RAB23: variants seen among roughly 807,000 people sequenced by gnomAD.
The protein encoded by RAB23 is RAB23, member RAS oncogene family.
Under a neutral mutation model 30.0 loss-of-function variants are expected in RAB23, and 15 were observed. The ratio of observed to expected loss-of-function variants is 0.50; its 90% CI spans 0.33 to 0.77. The LOEUF is 0.77. Among genes scored for constraint, RAB23 ranks in the 30% least tolerant of loss-of-function variants. The pLI is 0.02. For missense variants in RAB23, 243 were observed against 275.4 expected (o/e 0.88, Z 0.83); for synonymous variants, 93 against 94.0 (o/e 0.99, Z 0.06).
At chr6:57,194,957 G>C in intron 4 of RAB23, 105 bp from the exon 5 acceptor site, 1 of 832,528 alleles carries the variant, frequency 1.2e-6, no homozygotes, top group Middle Eastern at 2.5e-4. Flanking sequence ...GGCAGGGAAG[G>C]GAGGGAAGGT....
chr6:57,219,774 C>A (rs532824836), intron 1 of RAB23, among the ~76,000 whole-genome samples: 1 of 152,234 alleles, frequency 6.6e-6, no homozygotes, highest in African/African-American at 2.4e-5. Flanking sequence ...AAAAAGTAAA[C>A]CTTCACACCT....
Position 57,193,838 on chromosome 6 carries a change from T to C in RAB23, c.574+4A>G. 1 of 1,612,652 alleles carries C rather than the reference T, an allele frequency of 6.2e-7. No individual in the cohort carries two copies. The highest frequency in any genetic ancestry group is 8.5e-7 in the Non-Finnish European group (1 of 1,179,154). ...ACATGGGCTAAAATTTCCTATGTAC[T>C]TACCAATCTTGTTACTACTTGAATG... On this transcript the variant is annotated splice_donor_region_variant and intron_variant, in intron 6 of 6. Transcript: ENST00000468148.
Position 57,190,614 on chromosome 6 carries a change from G to A in RAB23, c.575-14C>T. 1 of 1,613,756 alleles carries A rather than the reference G, an allele frequency of 6.2e-7. No individual in the cohort carries two copies. ...TATTAAAGACACCTGTATAAATTGAGGGAAAAGAGTGATTGCCACTGACAC... is the reference window on the plus strand; with the variant it reads ...TATTAAAGACACCTGTATAAATTGAAGGAAAAGAGTGATTGCCACTGACAC... On this transcript the variant is annotated splice_polypyrimidine_tract_variant and intron_variant, in intron 6 of 6. Transcript: ENST00000468148.
chr6:57,199,772 T>C (rs931500100), intron 3 of RAB23, among the ~76,000 whole-genome samples: 2 of 151,828 alleles, frequency 1.3e-5, no homozygotes, highest in African/African-American at 4.8e-5. Context: ...TGATTTAACC[T>C]AAAAATATTA....
chr6:57,221,997 G>C lies in RAB23; in HGVS notation c.-337C>G, dbSNP rs1250590814. 1 of 152,284 alleles carries C rather than the reference G, an allele frequency of 6.6e-6. No individual in the cohort carries two copies. The highest frequency in any genetic ancestry group is 2.1e-4 in the South Asian group (1 of 4,828). 9.4% of individuals were successfully genotyped at this position (152,284 alleles called of 1,614,324 possible). A position where few individuals can be genotyped will look rare whatever the true frequency, so the allele number is the denominator to read the frequency against. Reference sequence around the variant, plus strand: ...GAGGGCGAGTGAGTGCAGCGCCGCTGCACCGCAGCGCGAGCCGCTACTCAC... The same window carrying C: ...GAGGGCGAGTGAGTGCAGCGCCGCTCCACCGCAGCGCGAGCCGCTACTCAC... On this transcript the variant is annotated 5_prime_UTR_variant, in exon 1 of 7. Coordinates refer to ENST00000468148, the MANE Select transcript of RAB23 (RefSeq NM_016277.5).
rs79743368 is a variant in RAB23 at position 57,201,541 on chromosome 6, C to G, written c.242-4935G>C. Among the ~76,000 whole-genome samples the G allele has an allele frequency of 7.1e-3, 1,079 of 152,328 alleles. 12 individuals carry two copies. The highest frequency in any genetic ancestry group is 0.017 in the Middle Eastern group (5 of 294). On this transcript the variant is annotated intron_variant, in intron 3 of 6. Coordinates refer to ENST00000468148, the MANE Select transcript of RAB23 (RefSeq NM_016277.5). ...TGCTCTTAGCTCATATTTGTCCTAT[C>G]ACATTCTTCAACAACTTTGCACTCT...
intron 3 of RAB23, among the ~76,000 whole-genome samples, chr6:57,200,766 G>A (rs1002627382): frequency 3.3e-5 from 5 of 152,016 alleles, no homozygotes; most frequent in African/African-American, 1.2e-4. Context: ...TGAGAAAAAT[G>A]CAATGGGTGA....
At chr6:57,201,171 C>T (rs1326188971) in intron 3 of RAB23, among the ~76,000 whole-genome samples, 1 of 151,290 alleles carries the variant, frequency 6.6e-6, no homozygotes, top group Non-Finnish European at 1.5e-5. Flanking sequence ...GCAGCCTCTG[C>T]CTCCCGGATT....
rs372383380 is a variant in RAB23 at position 57,196,025 on chromosome 6, G to C, written c.398+425C>G. On this transcript the variant is annotated intron_variant, in intron 4 of 6. Coordinates refer to ENST00000468148, the MANE Select transcript of RAB23 (RefSeq NM_016277.5). ...TCTGTTCACAAATTTGAGCATAAGA[G>C]TTCTGAATATACAAAACAATATGAA... Among the ~76,000 whole-genome samples, 13 of 152,204 alleles carry C rather than the reference G, an allele frequency of 8.5e-5. 1 individual carries two copies. Among genetic ancestry groups the C allele is most frequent in the African/African-American group, 3.1e-4 (13 of 41,534 alleles).
At chr6:57,219,293 T>G (rs574181980) in intron 1 of RAB23, among the ~76,000 whole-genome samples, 84 of 152,356 alleles carry the variant, frequency 5.5e-4, no homozygotes, top group South Asian at 1.0e-3. Flanking sequence ...GTACACAATC[T>G]GTATGCTGAA....
At chr6:57,217,811 T>C (rs539375795) in intron 1 of RAB23, among the ~76,000 whole-genome samples, 2 of 152,230 alleles carry the variant, frequency 1.3e-5, no homozygotes, top group Non-Finnish European at 2.9e-5. Context: ...AAGCTGGCTT[T>C]TTGAGAAGAT....
chr6:57,197,554 C>T (rs1765071037), intron 3 of RAB23, among the ~76,000 whole-genome samples: 1 of 152,086 alleles, frequency 6.6e-6, no homozygotes, highest in East Asian at 1.9e-4. Flanking sequence ...GAGTTTTCTA[C>T]TAAGACTCAA....
At chr6:57,203,489 T>A (rs1244413349) in intron 3 of RAB23, among the ~76,000 whole-genome samples, 1 of 152,192 alleles carries the variant, frequency 6.6e-6, no homozygotes, top group Non-Finnish European at 1.5e-5. Context: ...AAGACCAAGT[T>A]CACTAGATAA....
intron 6 of RAB23, among the ~76,000 whole-genome samples, chr6:57,193,012 G>T (rs1293022272): frequency 6.6e-6 from 1 of 152,130 alleles, no homozygotes; most frequent in Non-Finnish European, 1.5e-5. Context: ...TTAAATGTTG[G>T]ATTGAAGAGA....
intron 1 of RAB23, among the ~76,000 whole-genome samples, chr6:57,216,944 C>G (rs144767928): frequency 1.1e-4 from 17 of 152,240 alleles, no homozygotes; most frequent in South Asian, 2.1e-4. Context: ...ACTTGCATGA[C>G]CATCTTGGTT....
intron 4 of RAB23, among the ~76,000 whole-genome samples, 158 bp from the exon 5 acceptor site, chr6:57,195,010 A>C (rs1012186264): frequency 7.9e-5 from 12 of 152,312 alleles, no homozygotes; most frequent in African/African-American, 2.9e-4. Flanking sequence ...TTTTTAAAAG[A>C]GCTTGATATA....
intron 1 of RAB23, among the ~76,000 whole-genome samples, chr6:57,216,876 T>C (rs749989090): frequency 3.3e-5 from 5 of 152,120 alleles, no homozygotes; most frequent in Non-Finnish European, 5.9e-5. Context: ...GCAGTAACCT[T>C]TAGTATGCTA....
intron 1 of RAB23, chr6:57,221,416 G>C (rs1766055049): frequency 6.6e-6 from 1 of 152,288 alleles, no homozygotes; most frequent in Non-Finnish European, 1.5e-5. Flanking sequence ...CAATGGAACA[G>C]CACAATTTGG....
chr6:57,210,166 A>C (rs567715575), intron 2 of RAB23, 60 bp downstream of exon 2: 1 of 1,554,114 alleles, frequency 6.4e-7, no homozygotes, highest in Non-Finnish European at 8.9e-7. Context: ...TATTACTCCA[A>C]TGAGTCTTGG....
Sources: allele counts gnomAD v4.1 joint callset (sites outside exome capture counted in the v4.1 genomes callset), GRCh38; gene constraint gnomAD v4.1.1; transcripts MANE v1.5; gene names NCBI Gene and HGNC (gene_info 2026-07-23, HGNC 2026-07-21).